NFASC: variants seen among roughly 807,000 people sequenced by gnomAD.
NFASC encodes neurofascin, also known as neurofascin homolog.
In NFASC, 43 loss-of-function variants were observed where a neutral mutation model predicts 147.5. That is an observed-to-expected ratio of 0.29 (90% CI 0.23 to 0.38). The LOEUF is 0.38. NFASC is among the 10% of genes least tolerant of loss of function. The probability of loss-of-function intolerance (pLI) is 1.00; values close to 1 mark genes in which losing one functional copy is unlikely to be tolerated. For missense variants in NFASC, 1,320 were observed against 1,689.0 expected (o/e 0.78, Z 3.83); for synonymous variants, 622 against 665.5 (o/e 0.93, Z 1.01).
chr1:204,977,285 G>A, intron 16 of NFASC: 2 of 300,284 alleles, frequency 6.7e-6, no homozygotes, highest in Non-Finnish European at 1.1e-5. Flanking sequence ...CCTGCACCCA[G>A]GCTGGACTGT....
chr1:204,975,307 T>C lies in NFASC; in HGVS notation c.1595T>C (p.Val532Ala). 1 of 1,613,814 alleles carries C rather than the reference T, an allele frequency of 6.2e-7. No homozygotes were observed. The highest frequency in any genetic ancestry group is 8.5e-7 in the Non-Finnish European group (1 of 1,179,794). The change falls in exon 15 of 30, where the codon GTG (valine) becomes GCG (alanine). Residue 532 changes from valine (V) to alanine (A), a missense_variant. This residue lies in a region of NFASC where 981 missense variants were observed against 1,289.5 expected (regional missense o/e 0.76). Transcript: ENST00000339876. The surrounding 1 kb of genome is among the most constrained non-coding windows in gnomAD (Gnocchi z 4.0). ...ATCTACCGGATGCCCGAGGACCAGG[T>C]GGCCAGAAGGGGCACCACGGTGCAG... ...TRIYRMPEDQ[V>A]ARRGTTVQLE...
intron 1 of NFASC, among the ~76,000 whole-genome samples, chr1:204,862,821 G>A (rs1469966042): frequency 6.6e-6 from 1 of 152,182 alleles, no homozygotes; most frequent in East Asian, 1.9e-4. Flanking sequence ...TGGAACCTTG[G>A]TGAGTTAAGT....
rs931114048 is a variant in NFASC at position 205,015,023 on chromosome 1, G to A, written c.3492-1285G>A. Among the ~76,000 whole-genome samples, 1 of 152,068 alleles carries A rather than the reference G, an allele frequency of 6.6e-6. No homozygotes were observed. Among genetic ancestry groups the A allele is most frequent in the Non-Finnish European group, 1.5e-5 (1 of 68,012 alleles). On this transcript the variant is annotated intron_variant, in intron 29 of 29. Transcript: ENST00000339876. The surrounding 1 kb of genome is among the most constrained non-coding windows in gnomAD (Gnocchi z 4.0). The stretch of plus-strand genomic sequence containing the variant: ...CCACGAATACAGTTAGGCTGTATTC[G>A]TGGGGCAGCACTGTGGGGAGTGGGC...
At chr1:204,995,363 G>A (rs1038199493) in intron 24 of NFASC, among the ~76,000 whole-genome samples, 4 of 141,664 alleles carry the variant, frequency 2.8e-5, no homozygotes, top group African/African-American at 8.0e-5. Flanking sequence ...TATGTGTGTC[G>A]GTGGGTGGGG....
chr1:204,952,996 G>A (rs1044113933), intron 5 of NFASC, among the ~76,000 whole-genome samples: 1 of 152,212 alleles, frequency 6.6e-6, no homozygotes, highest in Non-Finnish European at 1.5e-5. Context: ...GCTGGCCGTG[G>A]GAGTCACCCT....
chr1:204,936,180 TTCCC>T (rs71701472), intron 2 of NFASC, among the ~76,000 whole-genome samples: 4,016 of 45,974 alleles, frequency 0.087, 392 homozygotes, highest in African/African-American at 0.2. Context: ...CATTAACAGA[TTCCC>T]TCTCTCTCTC....
chr1:204,939,062 G>A (rs1317296445), intron 2 of NFASC, among the ~76,000 whole-genome samples: 2 of 151,476 alleles, frequency 1.3e-5, no homozygotes, highest in African/African-American at 2.4e-5. Flanking sequence ...GTGTGTGTGT[G>A]TGTGTGTGTG....
chr1:204,905,888 A>G (rs1051067233), intron 1 of NFASC, among the ~76,000 whole-genome samples: 5 of 152,224 alleles, frequency 3.3e-5, no homozygotes, highest in East Asian at 3.8e-4. Flanking sequence ...TATATAAGCA[A>G]CAGATAAGAA....
At chr1:204,922,591 T>C (rs889165863) in intron 2 of NFASC, among the ~76,000 whole-genome samples, 1 of 152,208 alleles carries the variant, frequency 6.6e-6, no homozygotes, top group African/African-American at 2.4e-5. Flanking sequence ...TGAGAAGTTA[T>C]TTCCCCCAAG....
chr1:204,918,584 C>CTTTTTTTT (rs71147720), intron 1 of NFASC, among the ~76,000 whole-genome samples: 1 of 124,836 alleles, frequency 8.0e-6, no homozygotes, highest in African/African-American at 3.1e-5. Context: ...TTCTTTGAAA[C>CTTTTTTTT]TTTTTTTTTT....
intron 10 of NFASC, among the ~76,000 whole-genome samples, chr1:204,970,087 A>C (rs1558300361): frequency 6.6e-6 from 1 of 151,630 alleles, no homozygotes; most frequent in African/African-American, 2.4e-5. Context: ...AAAAAAAAAA[A>C]AAAAAAAAAA....
In NFASC at chr1:204,981,959, T is replaced by C. The variant is rs1306842870; in HGVS notation, c.2409T>C (p.Ala803=). Residue 803 remains alanine, a synonymous_variant, in exon 21 of 30, where the codon GCT becomes GCC. Transcript: ENST00000339876. ...TGCCCTATGAGATCCGAGTCCAGGC[T>C]GAAAATGACTTCGGGAAGGGCCCTG... ...VYVPYEIRVQ[A]ENDFGKGPEP... is the part of the protein sequence containing the mutation. 1 of 1,607,324 alleles carries C rather than the reference T, an allele frequency of 6.2e-7. No homozygotes were observed. The highest frequency in any genetic ancestry group is 1.3e-5 in the African/African-American group (1 of 74,620).
chr1:204,973,967 A>T (rs1454565445), intron 12 of NFASC, among the ~76,000 whole-genome samples: 2 of 152,058 alleles, frequency 1.3e-5, no homozygotes, highest in African/African-American at 4.8e-5. Context: ...CTGGATTTGG[A>T]TGTAGGGTAG....
intron 24 of NFASC, among the ~76,000 whole-genome samples, chr1:204,992,749 T>C (rs2095762997): frequency 6.6e-6 from 1 of 152,100 alleles, no homozygotes; most frequent in African/African-American, 2.4e-5. Flanking sequence ...CCCGTCCACC[T>C]CCCCTGTTCT....
chr1:204,837,904 C>T (rs1674222838), intron 1 of NFASC, among the ~76,000 whole-genome samples: 1 of 152,148 alleles, frequency 6.6e-6, no homozygotes, highest in South Asian at 2.1e-4. Flanking sequence ...GCTAAGATGG[C>T]CCACTTTGTA....
At chr1:204,970,491 G>A in intron 10 of NFASC, 125 bp from the exon 11 acceptor site, 1 of 1,085,140 alleles carries the variant, frequency 9.2e-7, no homozygotes, top group South Asian at 1.5e-5. Context: ...TGAGCCCTGG[G>A]GCAGGTGGTG....
chr1:204,913,369 C>T (rs2088200349), intron 1 of NFASC, among the ~76,000 whole-genome samples: 2 of 151,896 alleles, frequency 1.3e-5, no homozygotes, highest in Admixed American at 6.5e-5. Flanking sequence ...AAAAAATTGA[C>T]AAGCAAGAGT....
chr1:205,013,767 C>T (rs770562845), intron 29 of NFASC, among the ~76,000 whole-genome samples: 2 of 152,062 alleles, frequency 1.3e-5, no homozygotes, highest in Non-Finnish European at 2.9e-5. Context: ...TCATGCCACC[C>T]AGTTACTGCC....
intron 1 of NFASC, among the ~76,000 whole-genome samples, chr1:204,853,511 T>C (rs1020717239): frequency 6.6e-6 from 1 of 152,208 alleles, no homozygotes; most frequent in Non-Finnish European, 1.5e-5. Context: ...CCTGTAGTAC[T>C]TTGAGGTGTA....
Sources: gnomAD v4.1 joint callset for allele counts (sites outside exome capture counted in the v4.1 genomes callset) on GRCh38, gnomAD v4.1.1 for gene constraint, gnomAD v4.1.1 regional missense constraint, Gnocchi (gnomAD v3.1) non-coding constraint, MANE v1.5 for transcripts, NCBI Gene and HGNC (gene_info 2026-07-23, HGNC 2026-07-21) for gene names.